The following SCN3A variants were observed in gnomAD, a reference collection of about 807,000 sequenced individuals.
The protein encoded by SCN3A is sodium channel protein type 3 subunit alpha.
In SCN3A, 60 loss-of-function variants were observed where a neutral mutation model predicts 187.6. The observed-to-expected ratio is 0.32, with a 90% CI of 0.26 to 0.40. The LOEUF is 0.40. Ranked by LOEUF, SCN3A falls within the 10% of genes least tolerant of loss-of-function variation. The pLI is 1.00. For synonymous variants in SCN3A, 788 were observed against 829.2 expected, an observed-to-expected ratio of 0.95 and a Z score of 0.85; for missense variants, 1,601 against 2,428.2, an observed-to-expected ratio of 0.66 and a Z score of 7.16.
chr2:165,194,329 CT>C (rs1317133542), intron 1 of SCN3A, among the ~76,000 whole-genome samples: 1 of 152,086 alleles, frequency 6.6e-6, no homozygotes, highest in Non-Finnish European at 1.5e-5. Context: ...AGTGTCCAGA[CT>C]TTGGGACTCT....
At chr2:165,091,949 G>GT (rs1454461453) in intron 27 of SCN3A, 4 of 431,932 alleles carry the variant, frequency 9.3e-6, no homozygotes, top group Non-Finnish European at 1.7e-5. Flanking sequence ...ACAATGATTT[G>GT]TTTTTTAAGC....
intron 15 of SCN3A, among the ~76,000 whole-genome samples, chr2:165,134,325 T>C (rs1383741724): frequency 5.3e-5 from 8 of 152,246 alleles, no homozygotes; most frequent in Admixed American, 3.9e-4. Flanking sequence ...TAATTTGCTA[T>C]AGTTACAAGT....
At chr2:165,167,695 G>A (rs1054582788) in intron 5 of SCN3A, among the ~76,000 whole-genome samples, 2 of 151,932 alleles carry the variant, frequency 1.3e-5, no homozygotes, top group African/African-American at 2.4e-5. Context: ...ATGTTGTTAC[G>A]ATAAAGAAAT....
Position 165,154,795 on chromosome 2 carries a change from T to C in SCN3A, c.1174-137A>G, listed in dbSNP as rs112211490. On this transcript the variant is annotated intron_variant, in intron 10 of 27. Coordinates refer to ENST00000283254, the MANE Select transcript of SCN3A (RefSeq NM_006922.4). ...TTTATTTTCACCAAGAATTTTTTGGTATTGATATGCTCAACACACAAAATT... is the reference window on the plus strand; with the variant it reads ...TTTATTTTCACCAAGAATTTTTTGGCATTGATATGCTCAACACACAAAATT... 60 of 809,710 alleles carry C rather than the reference T, an allele frequency of 7.4e-5. No homozygotes were observed. In the African/African-American group the frequency reaches 8.4e-4, roughly 11 times the overall value. The allele number at this position is 809,710 out of a possible 1,614,324, so 50.2% of individuals were successfully genotyped here.
intron 21 of SCN3A, among the ~76,000 whole-genome samples, chr2:165,103,823 A>G (rs1038621008): frequency 5.3e-5 from 8 of 152,218 alleles, no homozygotes; most frequent in African/African-American, 1.9e-4. Context: ...TATCACCTCC[A>G]TACATTCTGA....
intron 18 of SCN3A, among the ~76,000 whole-genome samples, chr2:165,121,643 T>G (rs1365654767): frequency 6.6e-6 from 1 of 152,120 alleles, no homozygotes; most frequent in East Asian, 1.9e-4. Context: ...ATGCATAAAT[T>G]AAACCTAGAG....
intron 1 of SCN3A, among the ~76,000 whole-genome samples, chr2:165,202,837 AT>A (rs150086677): frequency 6.6e-6 from 1 of 152,010 alleles, no homozygotes; most frequent in Non-Finnish European, 1.5e-5. Context: ...CATAAGCCAC[AT>A]TATACTACCT....
At chr2:165,100,719 T>C (rs1267364027) in intron 21 of SCN3A, among the ~76,000 whole-genome samples, 3 of 152,194 alleles carry the variant, frequency 2.0e-5, no homozygotes, top group Non-Finnish European at 2.9e-5. Context: ...CACTGATAAT[T>C]CAGGATTGAG....
intron 10 of SCN3A, 85 bp from the exon 11 acceptor site, chr2:165,154,743 T>C: frequency 1.5e-6 from 2 of 1,308,258 alleles, no homozygotes; most frequent in Non-Finnish European, 2.2e-6. Context: ...AGATAGTCAG[T>C]AGACTAATTA....
chr2:165,168,464 C>A (rs532589635), intron 5 of SCN3A, among the ~76,000 whole-genome samples: 12 of 151,900 alleles, frequency 7.9e-5, no homozygotes, highest in African/African-American at 2.9e-4. Context: ...TGATTGAGAC[C>A]TAATTTTAGG....
At chr2:165,192,614 C>G (rs1691683161) in intron 1 of SCN3A, among the ~76,000 whole-genome samples, 1 of 152,118 alleles carries the variant, frequency 6.6e-6, no homozygotes, top group Non-Finnish European at 1.5e-5. Flanking sequence ...CTACATCTTA[C>G]ATACTCTGTA....
At chr2:165,190,812 A>T (rs1415077768) in intron 1 of SCN3A, among the ~76,000 whole-genome samples, 2 of 151,784 alleles carry the variant, frequency 1.3e-5, no homozygotes, top group African/African-American at 4.8e-5. Flanking sequence ...CTGTATCCTA[A>T]CATTGAAAAT....
At chr2:165,115,148 C>G (rs1686300642) in intron 19 of SCN3A, among the ~76,000 whole-genome samples, 1 of 152,048 alleles carries the variant, frequency 6.6e-6, no homozygotes, top group East Asian at 1.9e-4. Context: ...CGACTCCCTG[C>G]AAAAGCTCTA....
rs376960393 is a variant in SCN3A, at chr2:165,139,455, G to A, written c.2152+21C>T. ...AGCACATAATCACAGAAAGTTGGCT[G>A]TTCCATGACCTGCTTCTTACCTTCC... On this transcript the variant is annotated intron_variant, in intron 14 of 27. Transcript: ENST00000283254. 2.5e-5 allele frequency: 40 copies of A among 1,613,670 alleles called. 1 individual carries two copies. Among genetic ancestry groups the A allele is most frequent in the Middle Eastern group, 1.7e-4 (1 of 6,052 alleles).
intron 12 of SCN3A, among the ~76,000 whole-genome samples, chr2:165,143,084 G>C (rs1477249234): frequency 6.6e-6 from 1 of 151,986 alleles, no homozygotes; most frequent in Non-Finnish European, 1.5e-5. Flanking sequence ...TTGAGTGTAT[G>C]TGAATCACTC....
chr2:165,101,487 T>C (rs2105664562), intron 21 of SCN3A, among the ~76,000 whole-genome samples: 1 of 152,202 alleles, frequency 6.6e-6, no homozygotes, highest in Admixed American at 6.5e-5. Flanking sequence ...AAGAGTAGAA[T>C]TGGCGATTTG....
Position 165,138,136 on chromosome 2 carries a change from G to A in SCN3A, c.2153-19C>T. On this transcript the variant is annotated intron_variant, in intron 14 of 27. Coordinates refer to ENST00000283254, the MANE Select transcript of SCN3A (RefSeq NM_006922.4). ...TCAAGTTCTGGAGGGACAATAACAA[G>A]GAAGAGTAGTAAATAACAACAAAAA... 4 of 1,557,028 alleles carry A rather than the reference G, an allele frequency of 2.6e-6. No individual in the cohort carries two copies. The highest frequency in any genetic ancestry group is 3.5e-6 in the Non-Finnish European group (4 of 1,128,460).
intron 15 of SCN3A, among the ~76,000 whole-genome samples, chr2:165,135,362 G>A (rs2105791774): frequency 6.6e-6 from 1 of 152,164 alleles, no homozygotes; most frequent in East Asian, 1.9e-4. Flanking sequence ...TGCAGAAACA[G>A]AATGCAAAAT....
chr2:165,105,701 C>G (rs1685817993), intron 21 of SCN3A, among the ~76,000 whole-genome samples: 1 of 151,964 alleles, frequency 6.6e-6, no homozygotes, highest in Non-Finnish European at 1.5e-5. Context: ...CAATCTCAGT[C>G]AGAAATGGAA....
Sources: allele counts gnomAD v4.1 joint callset (sites outside exome capture counted in the v4.1 genomes callset), GRCh38; gene constraint gnomAD v4.1.1; transcripts MANE v1.5; gene names NCBI Gene and HGNC (gene_info 2026-07-23, HGNC 2026-07-21).